SLTM: variants seen among roughly 807,000 people sequenced by gnomAD.
SLTM encodes the protein SAFB like transcription modulator.
A neutral mutation model predicts 134.6 loss-of-function variants in SLTM; 43 were observed. The ratio of observed to expected loss-of-function variants is 0.32; its 90% confidence interval spans 0.25 to 0.41. The LOEUF (loss-of-function observed/expected upper bound fraction) is 0.41, where lower values mean the gene tolerates loss of function less well. Ranked by LOEUF, SLTM falls within the 10% of genes least tolerant of loss-of-function variation. The probability of loss-of-function intolerance (pLI) is 1.00; values close to 1 mark genes in which losing one functional copy is unlikely to be tolerated. For synonymous variants in SLTM, 424 were observed against 432.3 expected, an observed-to-expected ratio of 0.98 and a Z score of 0.24; for missense variants, 1,055 against 1,288.8, an observed-to-expected ratio of 0.82 and a Z score of 2.78.
Position 58,887,521 on chromosome 15 carries a change from G to T in SLTM, c.2395C>A (p.Gln799Lys). The T allele has an allele frequency of 6.2e-7, 1 of 1,611,876 alleles. No homozygotes were observed. The highest frequency in any genetic ancestry group is 1.1e-5 in the South Asian group (1 of 91,024). ...SFERRDRFVG[Q>K]SEGKKARPTA... ...GGTCGTGCTTTTTTCCCCTCACTTTGACCAACAAAGCGATCCCGCCTATTG... is the reference window on the plus strand; with the variant it reads ...GGTCGTGCTTTTTTCCCCTCACTTTTACCAACAAAGCGATCCCGCCTATTG... The change falls in exon 18 of 21, where the codon CAA (glutamine) becomes AAA (lysine). Residue 799 changes from glutamine to lysine, a missense_variant. Around this residue, in one of 3 missense-constraint regions of SLTM, gnomAD observed 776 missense variants for 962.2 expected, o/e 0.81. Coordinates refer to ENST00000380516, the MANE Select transcript of SLTM (RefSeq NM_024755.4).
At chr15:58,914,607 T>C (rs2036503509) in intron 3 of SLTM, among the ~76,000 whole-genome samples, 1 of 152,168 alleles carries the variant, frequency 6.6e-6, no homozygotes, top group Non-Finnish European at 1.5e-5. Flanking sequence ...ATGGAGTACA[T>C]GGCTGTATTA....
At chr15:58,932,173 C>CTTAA (rs2037925640) in intron 2 of SLTM, 183 bp downstream of exon 2, 1 of 545,896 alleles carries the variant, frequency 1.8e-6, no homozygotes, top group Non-Finnish European at 3.3e-6. Flanking sequence ...TCAGCCGAAT[C>CTTAA]TTAAGGGCTA....
At chr15:58,891,411 C>T (rs1176725216) in intron 14 of SLTM, among the ~76,000 whole-genome samples, 2 of 152,144 alleles carry the variant, frequency 1.3e-5, no homozygotes, top group East Asian at 3.9e-4. Flanking sequence ...TAGAACTCAA[C>T]CCCATTTTTA....
chr15:58,908,644 C>T (rs2036047595), intron 5 of SLTM, among the ~76,000 whole-genome samples: 1 of 152,148 alleles, frequency 6.6e-6, no homozygotes, highest in Admixed American at 6.5e-5. Flanking sequence ...GCTGTGATTA[C>T]AGGCAGGAGC....
At chr15:58,904,468 C>CAATGATT in intron 5 of SLTM, among the ~76,000 whole-genome samples, 1 of 151,934 alleles carries the variant, frequency 6.6e-6, no homozygotes, top group African/African-American at 2.4e-5. Context: ...GTAAAATAGT[C>CAATGATT]CAGAACAAGT....
chr15:58,926,740 G>A (rs1459895049), intron 2 of SLTM, among the ~76,000 whole-genome samples: 1 of 151,372 alleles, frequency 6.6e-6, no homozygotes, highest in Non-Finnish European at 1.5e-5. Context: ...TGAGCCTCCA[G>A]AGTAGCTGGG....
At chr15:58,915,812 G>C (rs966342492) in intron 3 of SLTM, among the ~76,000 whole-genome samples, 17 of 152,050 alleles carry the variant, frequency 1.1e-4, no homozygotes, top group African/African-American at 4.1e-4. Flanking sequence ...CAAACATCGA[G>C]AGACATGATG....
At chr15:58,880,415 C>CT (rs1192840397) in intron 20 of SLTM, among the ~76,000 whole-genome samples, 11 of 152,146 alleles carry the variant, frequency 7.2e-5, no homozygotes, top group Non-Finnish European at 1.5e-4. Flanking sequence ...CAGCAGATCT[C>CT]TTAAGTGTGG....
intron 6 of SLTM, among the ~76,000 whole-genome samples, chr15:58,900,245 TTCC>T (rs1212577835): frequency 6.6e-6 from 1 of 152,212 alleles, no homozygotes; most frequent in East Asian, 1.9e-4. Flanking sequence ...GAAGATTTTG[TTCC>T]TCCATGTGAC....
At chr15:58,920,696 C>T (rs963164681) in intron 2 of SLTM, among the ~76,000 whole-genome samples, 20 of 151,382 alleles carry the variant, frequency 1.3e-4, no homozygotes, top group African/African-American at 4.8e-4. Context: ...TGGCTCACAC[C>T]TGTAATCCCA....
intron 5 of SLTM, among the ~76,000 whole-genome samples, chr15:58,908,002 C>CGT (rs140029214): frequency 0.024 from 3,289 of 139,752 alleles, 60 homozygotes; most frequent in Middle Eastern, 0.075. Context: ...AAACATGCTG[C>CGT]GTGTGTGTGT....
At chr15:58,923,574 A>T (rs2037250142) in intron 2 of SLTM, among the ~76,000 whole-genome samples, 1 of 152,096 alleles carries the variant, frequency 6.6e-6, no homozygotes, top group African/African-American at 2.4e-5. Flanking sequence ...AATCACCCTT[A>T]AATTCCGACA....
chr15:58,879,963 A>G lies in SLTM; in HGVS notation c.*36T>C, dbSNP rs549437777. ...CAAGTAAAGTTTACAGGAGATTTCAATAAATTATCTTAAAACCTTGGCAGA... is the reference window on the plus strand; with the variant it reads ...CAAGTAAAGTTTACAGGAGATTTCAGTAAATTATCTTAAAACCTTGGCAGA... On this transcript the variant is annotated 3_prime_UTR_variant, in exon 21 of 21. Coordinates refer to ENST00000380516, the MANE Select transcript of SLTM (RefSeq NM_024755.4). 40 of 1,604,356 alleles carry G rather than the reference A, an allele frequency of 2.5e-5. No individual in the cohort carries two copies. In the South Asian group the frequency reaches 4.0e-4, roughly 16 times the overall value.
intron 5 of SLTM, among the ~76,000 whole-genome samples, chr15:58,901,629 C>T (rs1024372987): frequency 6.6e-6 from 1 of 152,166 alleles, no homozygotes; most frequent in Non-Finnish European, 1.5e-5. Flanking sequence ...ACGTATTTTA[C>T]GTCACTCAGT....
intron 3 of SLTM, among the ~76,000 whole-genome samples, chr15:58,915,391 C>T (rs539380212): frequency 2.4e-4 from 37 of 152,142 alleles, no homozygotes; most frequent in Middle Eastern, 3.4e-3. Flanking sequence ...TTTTTATAAA[C>T]TGAAGAGCTG....
intron 19 of SLTM, among the ~76,000 whole-genome samples, chr15:58,885,824 A>ACG (rs2034137011): frequency 6.6e-6 from 1 of 151,462 alleles, no homozygotes; most frequent in Non-Finnish European, 1.5e-5. Flanking sequence ...AAACAACAAC[A>ACG]CACACACACA....
Position 58,933,633 on chromosome 15 carries a change from C to T in SLTM, c.-68G>A, listed in dbSNP as rs1172282798. On this transcript the variant is annotated 5_prime_UTR_variant, in exon 1 of 21. Coordinates refer to ENST00000380516, the MANE Select transcript of SLTM (RefSeq NM_024755.4). ...GGGCGGCGGCAGCAGCGCCAACTTC[C>T]ACCCAGGCCTCGGCGGCCGCCGGCG... The T allele has an allele frequency of 2.1e-6, 3 of 1,418,134 alleles. No individual in the cohort carries two copies. The highest frequency in any genetic ancestry group is 2.8e-6 in the Non-Finnish European group (3 of 1,088,982). 87.8% of individuals were successfully genotyped at this position (1,418,134 alleles called of 1,614,324 possible).
At chr15:58,923,799 C>CA (rs2037267061) in intron 2 of SLTM, among the ~76,000 whole-genome samples, 1 of 69,544 alleles carries the variant, frequency 1.4e-5, no homozygotes, top group Non-Finnish European at 2.5e-5. Flanking sequence ...GAAGCCAAAC[C>CA]TTTTTTTTTT....
intron 3 of SLTM, among the ~76,000 whole-genome samples, chr15:58,916,020 G>C (rs377724662): frequency 2.6e-5 from 4 of 151,958 alleles, no homozygotes; most frequent in African/African-American, 9.7e-5. Context: ...TTGTTCTATA[G>C]CTGTAGTATA....
Sources: gnomAD v4.1 joint callset for allele counts (sites outside exome capture counted in the v4.1 genomes callset) on GRCh38, gnomAD v4.1.1 for gene constraint, gnomAD v4.1.1 regional missense constraint, MANE v1.5 for transcripts, NCBI Gene and HGNC (gene_info 2026-07-23, HGNC 2026-07-21) for gene names.